Variants in GSN observed in about 807,000 individuals in gnomAD.
The protein encoded by GSN is actin-depolymerizing factor.
Under a neutral mutation model 85.7 loss-of-function variants are expected in GSN, and 56 were observed. The ratio of observed to expected loss-of-function variants is 0.65; its 90% CI spans 0.53 to 0.82. The LOEUF (loss-of-function observed/expected upper bound fraction) is 0.82. GSN is among the 40% of genes least tolerant of loss of function. GSN has a pLI of 0.00. For missense variants in GSN, 857 were observed against 979.8 expected (o/e 0.87, Z 1.67); for synonymous variants, 373 against 399.1 (o/e 0.93, Z 0.78).
At chr9:121,301,841 C>T (rs966387193) in intron 2 of GSN, 122 bp from the exon 3 acceptor site, 145 of 1,500,088 alleles carry the variant, frequency 9.7e-5, no homozygotes, top group Admixed American at 1.4e-4. Context: ...TTCCCTGGGG[C>T]GTGGGGAGAG....
chr9:121,267,778 C>T (rs1343719831), upstream of GSN, among the ~76,000 whole-genome samples: 1 of 152,122 alleles, frequency 6.6e-6, no homozygotes, highest in African/African-American at 2.4e-5. Context: ...TCCGTTCTCT[C>T]CAGGGCTGAA....
chr9:121,275,997 T>A (rs1453434455), intron 1 of GSN, among the ~76,000 whole-genome samples: 1 of 152,222 alleles, frequency 6.6e-6, no homozygotes, highest in African/African-American at 2.4e-5. Context: ...GGGCATCTCA[T>A]GTTTTATCTG....
At chr9:121,288,999 G>C (rs1267609488) in intron 2 of GSN, among the ~76,000 whole-genome samples, 1 of 152,128 alleles carries the variant, frequency 6.6e-6, no homozygotes, top group Non-Finnish European at 1.5e-5. Context: ...CTATGATGCA[G>C]AGACATGGTA....
At chr9:121,209,976 A>G (rs985296650) in intron 2 of GSN, among the ~76,000 whole-genome samples, 5 of 152,230 alleles carry the variant, frequency 3.3e-5, no homozygotes, top group Non-Finnish European at 5.9e-5. Context: ...TCTTTGTGCC[A>G]TGAACACACA....
intron 4 of GSN, among the ~76,000 whole-genome samples, chr9:121,306,905 G>A (rs984564338): frequency 6.6e-6 from 1 of 152,246 alleles, no homozygotes; most frequent in African/African-American, 2.4e-5. Context: ...ATAAGGCCGG[G>A]TGCGGTGGCT....
At chr9:121,227,596 A>G (rs1465730347) in intron 4 of GSN, among the ~76,000 whole-genome samples, 2 of 152,082 alleles carry the variant, frequency 1.3e-5, no homozygotes, top group Non-Finnish European at 2.9e-5. Context: ...TGAGCCCTTC[A>G]CCTGTGGAAT....
At chr9:121,295,210 A>T (rs2059097161) in intron 2 of GSN, among the ~76,000 whole-genome samples, 1 of 152,160 alleles carries the variant, frequency 6.6e-6, no homozygotes, top group South Asian at 2.1e-4. Context: ...CCTTTTAGAG[A>T]TGAGGAAACT....
chr9:121,260,687 G>T (rs1006686514), intron 6 of GSN, among the ~76,000 whole-genome samples: 2 of 152,214 alleles, frequency 1.3e-5, no homozygotes, highest in Admixed American at 6.5e-5. Flanking sequence ...AGGAGTGGAT[G>T]ACTTGCCCAG....
intron 4 of GSN, among the ~76,000 whole-genome samples, chr9:121,230,764 C>A (rs1339867624): frequency 6.6e-6 from 1 of 152,166 alleles, no homozygotes; most frequent in African/African-American, 2.4e-5. Flanking sequence ...GCTACCTTTA[C>A]CATCAGTGCC....
chr9:121,207,322 T>A (rs1389052720), upstream of GSN, among the ~76,000 whole-genome samples: 4 of 152,214 alleles, frequency 2.6e-5, no homozygotes, highest in African/African-American at 9.6e-5. Flanking sequence ...TCAGCATATG[T>A]GCATCAGTTC....
intron 1 of GSN, among the ~76,000 whole-genome samples, chr9:121,277,131 A>C (rs1375439427): frequency 6.6e-6 from 1 of 152,024 alleles, no homozygotes; most frequent in Non-Finnish European, 1.5e-5. Flanking sequence ...TTTAAGATCC[A>C]GTGGTAGATC....
intron 5 of GSN, among the ~76,000 whole-genome samples, chr9:121,243,571 T>A (rs1014947034): frequency 2.7e-4 from 41 of 152,186 alleles, no homozygotes; most frequent in Non-Finnish European, 1.9e-4. Context: ...GTACATATAG[T>A]AAAATTCATT....
chr9:121,320,726 GATA>G (rs1168857749), intron 10 of GSN, among the ~76,000 whole-genome samples: 2 of 151,874 alleles, frequency 1.3e-5, no homozygotes, highest in Non-Finnish European at 2.9e-5. Context: ...ATATTAGTAA[GATA>G]ATAATAATAA....
At chr9:121,214,135 G>A (rs2054015387) in intron 4 of GSN, among the ~76,000 whole-genome samples, 1 of 152,190 alleles carries the variant, frequency 6.6e-6, no homozygotes, top group Non-Finnish European at 1.5e-5. Flanking sequence ...CAGGCACCTA[G>A]AAGGCATTGA....
At chr9:121,290,572 T>C (rs2132869780) in intron 2 of GSN, among the ~76,000 whole-genome samples, 1 of 152,328 alleles carries the variant, frequency 6.6e-6, no homozygotes, top group East Asian at 1.9e-4. Context: ...TTATTGTATA[T>C]ACTTAAGGTA....
At chr9:121,249,306 A>AT (rs1158976828) in intron 6 of GSN, among the ~76,000 whole-genome samples, 5 of 151,460 alleles carry the variant, frequency 3.3e-5, no homozygotes, top group South Asian at 2.1e-4. Context: ...AAAAAAAAAA[A>AT]TTTTTTTTTA....
At chr9:121,244,930 G>T (rs1330893910) in intron 5 of GSN, among the ~76,000 whole-genome samples, 1 of 152,084 alleles carries the variant, frequency 6.6e-6, no homozygotes, top group Non-Finnish European at 1.5e-5. Flanking sequence ...AGGGATGGAA[G>T]CTAGGCTTCT....
chr9:121,241,478 A>G (rs898936000), intron 5 of GSN, among the ~76,000 whole-genome samples: 4 of 152,214 alleles, frequency 2.6e-5, no homozygotes, highest in African/African-American at 9.6e-5. Flanking sequence ...CTGTCATTTA[A>G]TGATCTGTGA....
rs555284449 is a variant in GSN at position 121,300,159 on chromosome 9, C to G, written c.-9-1804C>G. ...TCTCTTGCTGCTTCCGGGGCTCTGG[C>G]TCGCAGACGAGGGTGGGAGCCTCGG... On this transcript the variant is annotated intron_variant, in intron 2 of 17. Coordinates refer to ENST00000432226, the MANE Select transcript of GSN (RefSeq NM_198252.3). 4.6e-6 allele frequency: 7 copies of G among 1,515,182 alleles called. No homozygotes were observed. The South Asian group carries it at 7.9e-5, about 17-fold the overall frequency. 93.9% of individuals were successfully genotyped at this position (1,515,182 alleles called of 1,614,324 possible).
Sources: gnomAD v4.1 joint callset for allele counts (sites outside exome capture counted in the v4.1 genomes callset) on GRCh38, gnomAD v4.1.1 for gene constraint, MANE v1.5 for transcripts, NCBI Gene and HGNC (gene_info 2026-07-23, HGNC 2026-07-21) for gene names.